Variants in ANO5 observed in about 807,000 individuals in gnomAD.
ANO5 encodes the protein anoctamin-5.
ANO5 carries 109 observed loss-of-function variants against 121.0 expected under a neutral mutation model. The observed-to-expected ratio is 0.90, with a 90% CI of 0.77 to 1.06. The LOEUF is 1.06. Ranked by LOEUF, ANO5 falls within the 50% of genes least tolerant of loss-of-function variation. The pLI is 0.00. For synonymous variants in ANO5, 406 were observed against 359.9 expected, an observed-to-expected ratio of 1.13 and a Z score of -1.45; for missense variants, 1,064 against 1,078.5, an observed-to-expected ratio of 0.99 and a Z score of 0.19.
chr11:22,277,551 C>G (rs1347597405), intron 21 of ANO5, among the ~76,000 whole-genome samples: 1 of 151,396 alleles, frequency 6.6e-6, no homozygotes, highest in African/African-American at 2.4e-5. Context: ...TAAATTATGA[C>G]TTTATAAATA....
At chr11:22,208,546 A>G (rs1852187141) in intron 2 of ANO5, among the ~76,000 whole-genome samples, 1 of 152,028 alleles carries the variant, frequency 6.6e-6, no homozygotes, top group Non-Finnish European at 1.5e-5. Context: ...ATGGACATAA[A>G]TTTAAAAGGG....
rs1564903880 is a variant in ANO5 at position 22,193,521 on chromosome 11, T to C, written c.29T>C (p.Leu10Ser). The change falls in exon 1 of 22, where the codon TTG becomes TCG. Residue 10 changes from leucine to serine, a missense_variant. Transcript: ENST00000324559. MGDPDLLEVLAEEGEKVNKH... is the reference protein window; with the variant it reads MGDPDLLEVSAEEGEKVNKH... ...GGCGACCCGGATCTCCTGGAAGTGT[T>C]GGCGGAGGAAGGTAGGACCGCGCCA... 6.2e-7 allele frequency: 1 copy of C among 1,613,020 alleles called. No homozygotes were observed. The highest frequency in any genetic ancestry group is 8.5e-7 in the Non-Finnish European group (1 of 1,179,768).
chr11:22,205,985 T>C (rs1249691458), intron 2 of ANO5, among the ~76,000 whole-genome samples: 1 of 152,148 alleles, frequency 6.6e-6, no homozygotes, highest in Non-Finnish European at 1.5e-5. Context: ...TAAATTCCCC[T>C]GAAAGACCTC....
At position 22,227,161 on chromosome 11, in the gene ANO5, A is replaced by G. The variant is rs1248260489; in HGVS notation, c.364-141A>G. The G allele has an allele frequency of 2.6e-6, 3 of 1,137,252 alleles. No homozygotes were observed. The South Asian group carries it at 4.5e-5, about 17-fold the overall frequency. 70.4% of individuals were successfully genotyped at this position (1,137,252 alleles called of 1,614,324 possible). ...ATGTTTTGTGAATTTTGTTTTCTCA[A>G]AGTTTTGCCTGAAAATTTCAAAATA... On this transcript the variant is annotated intron_variant, in intron 6 of 21. Transcript: ENST00000324559.
intron 5 of ANO5, among the ~76,000 whole-genome samples, chr11:22,222,905 C>A (rs535439565): frequency 6.6e-6 from 1 of 152,018 alleles, no homozygotes; most frequent in African/African-American, 2.4e-5. Flanking sequence ...AATGCTTTTT[C>A]TTTCCTCACA....
intron 12 of ANO5, 102 bp downstream of exon 12, chr11:22,251,113 G>A: frequency 8.3e-7 from 1 of 1,198,566 alleles, no homozygotes; most frequent in Non-Finnish European, 1.2e-6. Context: ...TACCAAATGT[G>A]GTTTTAGATC....
intron 20 of ANO5, among the ~76,000 whole-genome samples, chr11:22,275,360 G>GT (rs1854800624): frequency 6.6e-6 from 1 of 151,418 alleles, no homozygotes; most frequent in South Asian, 2.1e-4. Context: ...ATTTAAACCA[G>GT]CTGTTTCATT....
intron 15 of ANO5, chr11:22,261,771 TC>T: frequency 4.0e-6 from 1 of 250,972 alleles, no homozygotes; most frequent in South Asian, 5.5e-5. Flanking sequence ...ACCAGGTCCC[TC>T]CCTTGGCACG....
intron 2 of ANO5, among the ~76,000 whole-genome samples, chr11:22,206,720 A>C (rs1192124210): frequency 1.3e-5 from 2 of 152,144 alleles, no homozygotes; most frequent in African/African-American, 4.8e-5. Flanking sequence ...ACTTCCATTT[A>C]TTAAAAATAA....
At chr11:22,209,615 G>A (rs1355544869) in intron 2 of ANO5, among the ~76,000 whole-genome samples, 1 of 151,866 alleles carries the variant, frequency 6.6e-6, no homozygotes, top group African/African-American at 2.4e-5. Context: ...TAAGAATGCT[G>A]TTTTAAGAAT....
intron 1 of ANO5, among the ~76,000 whole-genome samples, chr11:22,203,211 G>A (rs756114000): frequency 6.6e-6 from 1 of 152,032 alleles, no homozygotes; most frequent in Non-Finnish European, 1.5e-5. Flanking sequence ...ATATCTTAGG[G>A]CTTTTTCAAG....
intron 3 of ANO5, among the ~76,000 whole-genome samples, chr11:22,217,730 GA>G (rs1355622245): frequency 6.6e-6 from 1 of 151,734 alleles, no homozygotes; most frequent in East Asian, 1.9e-4. Context: ...GATAAATGAT[GA>G]GAACACATGG....
intron 3 of ANO5, among the ~76,000 whole-genome samples, chr11:22,211,935 G>A (rs1256082744): frequency 6.6e-6 from 1 of 151,374 alleles, no homozygotes; most frequent in Non-Finnish European, 1.5e-5. Context: ...AATGAGGATT[G>A]TGATATTGAT....
Position 22,281,862 on chromosome 11 carries a change from T to C in ANO5, c.*2097T>C, listed in dbSNP as rs1427611908. 1 of 152,150 alleles carries C rather than the reference T, an allele frequency of 6.6e-6. No individual in the cohort carries two copies. Among genetic ancestry groups the C allele is most frequent in the Non-Finnish European group, 1.5e-5 (1 of 67,966 alleles). 9.4% of individuals were successfully genotyped at this position (152,150 alleles called of 1,614,324 possible). ...GCAAGGGAAGAAATCGTTTTTAAGATAAGTAAATAATTCCCATGGATTGAT... is the reference window on the plus strand; with the variant it reads ...GCAAGGGAAGAAATCGTTTTTAAGACAAGTAAATAATTCCCATGGATTGAT... On this transcript the variant is annotated 3_prime_UTR_variant, in exon 22 of 22. Coordinates refer to ENST00000324559, the MANE Select transcript of ANO5 (RefSeq NM_213599.3).
chr11:22,200,883 G>GTATGGGTTTTGTATGGGT, intron 1 of ANO5, among the ~76,000 whole-genome samples: 1 of 151,996 alleles, frequency 6.6e-6, no homozygotes, highest in African/African-American at 2.4e-5. Context: ...AAGTTGTATG[G>GTATGGGTTTTGTATGGGT]GTGTGTTTTG....
chr11:22,196,265 A>G (rs986528125), intron 1 of ANO5, among the ~76,000 whole-genome samples: 3 of 152,204 alleles, frequency 2.0e-5, no homozygotes, highest in Admixed American at 6.5e-5. Context: ...CATTAGACCA[A>G]GAGATAAATG....
chr11:22,276,153 T>C lies in ANO5; in HGVS notation c.2474T>C (p.Phe825Ser), dbSNP rs202149380. The change falls in exon 21 of 22, where the codon TTC becomes TCC. Residue 825 changes from phenylalanine (F) to serine (S), a missense_variant. By Grantham distance (155) the Phe-to-Ser change is radical (BLOSUM62 -2). Transcript: ENST00000324559. ...DENKYFHNMQ[F>S]WHVLAAKMTF... ...AATAAATATTTTCATAATATGCAAT[T>C]CTGGCATGTCCTTGCTGCCAAGATG... is the stretch of plus-strand genomic sequence containing the variant. 6.2e-7 allele frequency: 1 copy of C among 1,611,750 alleles called. No individual in the cohort carries two copies. The highest frequency in any genetic ancestry group is 1.3e-5 in the African/African-American group (1 of 74,946).
At position 22,271,514 on chromosome 11, in the gene ANO5, A is replaced by AG. The variant is rs1308924628; in HGVS notation, c.2029+1073dup. The stretch of plus-strand genomic sequence containing the variant: ...ATTTTATAGAACTCTTTGTAAAATC[A>AG]GATAATCTTTGCCTTATAAGGTGAT... On this transcript the variant is annotated intron_variant, in intron 18 of 21. Transcript: ENST00000324559. 2.0e-5 allele frequency among the ~76,000 whole-genome samples: 3 copies of AG among 152,354 alleles called. No homozygotes were observed. The East Asian group carries it at 5.8e-4, about 29-fold the overall frequency.
chr11:22,193,582 AC>A, intron 1 of ANO5, 50 bp downstream of exon 1: 3 of 1,590,264 alleles, frequency 1.9e-6, no homozygotes, highest in Non-Finnish European at 2.6e-6. Flanking sequence ...GGCTGCCTGC[AC>A]CCCTCCACCC....
Sources: gnomAD v4.1 joint callset for allele counts (sites outside exome capture counted in the v4.1 genomes callset) on GRCh38, gnomAD v4.1.1 for gene constraint, MANE v1.5 for transcripts, NCBI Gene and HGNC (gene_info 2026-07-23, HGNC 2026-07-21) for gene names.